The following RNLS variants were observed in gnomAD, a reference collection of about 807,000 sequenced individuals.
RNLS encodes the protein renalase, FAD dependent amine oxidase.
In RNLS, 39 loss-of-function variants were observed where a neutral mutation model predicts 39.8. The ratio of observed to expected loss-of-function variants is 0.98; its 90% CI spans 0.76 to 1.28. The LOEUF is 1.28. Among genes scored for constraint, RNLS ranks in the 50% most tolerant of loss-of-function variants. The pLI is 0.00. For synonymous variants in RNLS, 147 were observed against 150.7 expected, an observed-to-expected ratio of 0.98 and a Z score of 0.18; for missense variants, 410 against 413.3, an observed-to-expected ratio of 0.99 and a Z score of 0.07.
the RNLS span, among the ~76,000 whole-genome samples, chr10:88,209,576 G>A: frequency 1.3e-5 from 2 of 152,130 alleles, no homozygotes; most frequent in Non-Finnish European, 2.9e-5. Context: ...CCAGAATTGT[G>A]AGAGACTACA....
the RNLS span, among the ~76,000 whole-genome samples, chr10:88,188,732 G>C: frequency 1.3e-5 from 2 of 152,120 alleles, no homozygotes; most frequent in Non-Finnish European, 2.9e-5. Context: ...ATGCACCATA[G>C]ACACAAGACT....
chr10:88,362,198 CAA>C (rs752897371), intron 5 of RNLS, among the ~76,000 whole-genome samples: 19 of 151,720 alleles, frequency 1.3e-4, no homozygotes, highest in Non-Finnish European at 2.5e-4. Context: ...AAAAAATACC[CAA>C]ACCAAACAAA....
chr10:88,220,034 C>G, the RNLS span, among the ~76,000 whole-genome samples: 9 of 152,148 alleles, frequency 5.9e-5, no homozygotes, highest in Non-Finnish European at 1.0e-4. Context: ...ACTGAACAAG[C>G]TGGTGTCCAT....
chr10:88,533,472 C>A (rs1461474791), intron 4 of RNLS, among the ~76,000 whole-genome samples: 2 of 152,124 alleles, frequency 1.3e-5, no homozygotes, highest in Non-Finnish European at 2.9e-5. Flanking sequence ...CCTTAAAGGT[C>A]AGTTGAAATC....
At chr10:88,174,465 T>C in the RNLS span, among the ~76,000 whole-genome samples, 2 of 152,198 alleles carry the variant, frequency 1.3e-5, no homozygotes, top group South Asian at 4.1e-4. Flanking sequence ...GTTTTTATCA[T>C]GAAGGGATGT....
intron 4 of RNLS, among the ~76,000 whole-genome samples, chr10:88,369,088 G>T (rs1336373985): frequency 6.6e-6 from 1 of 152,006 alleles, no homozygotes; most frequent in Non-Finnish European, 1.5e-5. Context: ...TTATTAAATT[G>T]ATTTCTATTA....
intron 5 of RNLS, among the ~76,000 whole-genome samples, chr10:88,324,286 C>T (rs376814140): frequency 2.0e-5 from 3 of 151,976 alleles, no homozygotes; most frequent in African/African-American, 4.8e-5. Flanking sequence ...TGCACACGTA[C>T]GTTCACTGCA....
chr10:88,392,326 G>T lies in RNLS; in HGVS notation c.527-29601C>A, dbSNP rs138442891. Among the ~76,000 whole-genome samples the T allele has an allele frequency of 2.0e-5, 3 of 152,308 alleles. No individual in the cohort carries two copies. The East Asian group carries it at 5.8e-4, about 29-fold the overall frequency. ...TACAAGTTCATGTGTAGGGATGTGA[G>T]CATACTCAGTGCTATCTGCATGCTC... On this transcript the variant is annotated intron_variant, in intron 4 of 6. Transcript: ENST00000331772.
intron 4 of RNLS, among the ~76,000 whole-genome samples, chr10:88,552,331 C>T (rs956274404): frequency 9.2e-5 from 14 of 152,212 alleles, no homozygotes; most frequent in African/African-American, 3.4e-4. Context: ...ACAGACATGT[C>T]TTCCCACTGT....
intron 4 of RNLS, among the ~76,000 whole-genome samples, chr10:88,566,432 T>C (rs1284764286): frequency 1.3e-5 from 2 of 152,044 alleles, no homozygotes; most frequent in Non-Finnish European, 2.9e-5. Flanking sequence ...GAGTAATGAT[T>C]AACAAGAGAC....
At chr10:88,549,372 C>A (rs1848501947) in intron 4 of RNLS, among the ~76,000 whole-genome samples, 1 of 150,432 alleles carries the variant, frequency 6.6e-6, no homozygotes, top group African/African-American at 2.4e-5. Context: ...CTGGGCAACA[C>A]AGCAAAACCC....
intron 6 of RNLS, among the ~76,000 whole-genome samples, chr10:88,305,084 G>T (rs1459892721): frequency 6.6e-6 from 1 of 152,002 alleles, no homozygotes. Flanking sequence ...TTTCATATCT[G>T]GCAAAACCAA....
chr10:88,202,207 C>T, the RNLS span, among the ~76,000 whole-genome samples: 1 of 148,684 alleles, frequency 6.7e-6, no homozygotes, highest in Admixed American at 6.9e-5. Context: ...GACAAAAAAC[C>T]AAGCACCGCA....
chr10:88,176,652 CTCTT>C, the RNLS span, among the ~76,000 whole-genome samples: 2 of 152,074 alleles, frequency 1.3e-5, no homozygotes, highest in East Asian at 1.9e-4. Flanking sequence ...TAATATTTGA[CTCTT>C]TCCTTTTTCT....
At position 88,295,281 on chromosome 10, in the gene RNLS, C is replaced by T. The variant is rs77725694; in HGVS notation, c.877-9775G>A. ...ATTTAATCTATTTTTAGGTATCCTT[C>T]TTTGATAATTGAATCTCTTTTGGCC... On this transcript the variant is annotated intron_variant, in intron 6 of 6. Transcript: ENST00000331772. Among the ~76,000 whole-genome samples the T allele has an allele frequency of 4.4e-3, 670 of 152,240 alleles. 9 individuals carry two copies. Among genetic ancestry groups the T allele is most frequent in the Admixed American group, 0.019 (287 of 15,274 alleles).
chr10:88,517,706 A>C (rs950346201), intron 4 of RNLS, among the ~76,000 whole-genome samples: 1 of 151,900 alleles, frequency 6.6e-6, no homozygotes, highest in Non-Finnish European at 1.5e-5. Flanking sequence ...ACTTCTCATA[A>C]ACACAAATGC....
At chr10:88,325,943 C>G (rs1846568451) in intron 5 of RNLS, among the ~76,000 whole-genome samples, 1 of 152,160 alleles carries the variant, frequency 6.6e-6, no homozygotes, top group Non-Finnish European at 1.5e-5. Flanking sequence ...CTTCGCTCCT[C>G]ACTCTTTTCT....
intron 3 of RNLS, among the ~76,000 whole-genome samples, chr10:88,576,804 A>C: frequency 6.6e-6 from 1 of 152,192 alleles, no homozygotes; most frequent in Admixed American, 6.5e-5. Context: ...TCTGCCACCT[A>C]AACCATTTTT....
At chr10:88,185,508 G>C in the RNLS span, among the ~76,000 whole-genome samples, 4 of 152,014 alleles carry the variant, frequency 2.6e-5, no homozygotes, top group African/African-American at 9.7e-5. Context: ...TCTTCAAGGA[G>C]CTTCGTCTTC....
Sources: allele counts gnomAD v4.1 joint callset (sites outside exome capture counted in the v4.1 genomes callset), GRCh38; gene constraint gnomAD v4.1.1; transcripts MANE v1.5; gene names NCBI Gene and HGNC (gene_info 2026-07-23, HGNC 2026-07-21).